The following RBFOX1 variants were observed in gnomAD, a reference collection of about 807,000 sequenced individuals.
RBFOX1 encodes the protein RNA binding fox-1 homolog 1.
RBFOX1 carries 8 observed loss-of-function variants against 57.7 expected under a neutral mutation model. That is an observed-to-expected ratio of 0.14 (90% CI 0.08 to 0.25). RBFOX1 has a LOEUF of 0.25. RBFOX1 is among the 10% of genes least tolerant of loss of function. The pLI is 1.00. For missense variants in RBFOX1, 611 were observed against 548.5 expected, an observed-to-expected ratio of 1.11 and a Z score of -1.14; for synonymous variants, 326 against 222.4, an observed-to-expected ratio of 1.47 and a Z score of -4.15.
intron 4 of RBFOX1, among the ~76,000 whole-genome samples, chr16:5,990,282 G>T (rs1382691078): frequency 6.6e-6 from 1 of 152,086 alleles, no homozygotes; most frequent in South Asian, 2.1e-4. Flanking sequence ...TGAGCCCACT[G>T]TACCCAGCCC....
intron 13 of RBFOX1, among the ~76,000 whole-genome samples, chr16:7,673,466 G>T (rs921337962): frequency 1.3e-5 from 2 of 152,154 alleles, no homozygotes; most frequent in African/African-American, 4.8e-5. Context: ...CAGCACTTTG[G>T]GAGGCTGAAT....
At chr16:6,186,158 T>A (rs2097103871) in intron 1 of RBFOX1, among the ~76,000 whole-genome samples, 1 of 152,182 alleles carries the variant, frequency 6.6e-6, no homozygotes, top group Non-Finnish European at 1.5e-5. Flanking sequence ...AACAAAACAA[T>A]GCCAAAAAAA....
chr16:7,160,814 C>A (rs1000857046), intron 4 of RBFOX1, among the ~76,000 whole-genome samples: 1 of 136,718 alleles, frequency 7.3e-6, no homozygotes, highest in African/African-American at 2.9e-5. Context: ...CTTTCTTCTC[C>A]CTCCTCCCTC....
chr16:7,586,294 G>A (rs1446050056), intron 6 of RBFOX1, among the ~76,000 whole-genome samples: 1 of 152,096 alleles, frequency 6.6e-6, no homozygotes, highest in Non-Finnish European at 1.5e-5. Context: ...TGTGATCTCA[G>A]AAAACTGAAA....
At position 5,424,944 on chromosome 16, in the gene RBFOX1, C is replaced by G. The variant is rs1303893504; in HGVS notation, c.220-42272C>G. 2.8e-3 allele frequency among the ~76,000 whole-genome samples: 181 copies of G among 64,684 alleles called. 2 individuals are homozygous for G. In the East Asian group the frequency reaches 0.029, roughly 10 times the overall value. 42.4% of individuals were successfully genotyped at this position (64,684 alleles called of 152,430 possible). On this transcript the variant is annotated intron_variant, in intron 1 of 2. Coordinates refer to the RBFOX1 transcript ENST00000585867. ...CTTTCTTTCTTTCTTTCTCTCTCTT[C>G]TTTCTTCCTTTGTTTCTTTCTCTTT... is the stretch of plus-strand genomic sequence containing the variant.
At chr16:7,179,156 A>G (rs936918709) in intron 4 of RBFOX1, among the ~76,000 whole-genome samples, 3 of 151,814 alleles carry the variant, frequency 2.0e-5, no homozygotes, top group African/African-American at 4.8e-5. Flanking sequence ...TTTTTGGTGC[A>G]TTTGGGGGTA....
chr16:5,874,135 G>C, intron 4 of RBFOX1, among the ~76,000 whole-genome samples: 1 of 152,164 alleles, frequency 6.6e-6, no homozygotes, highest in Non-Finnish European at 1.5e-5. Context: ...CACTGAGTTT[G>C]GCAGTCGTGC....
chr16:5,675,354 G>C (rs1596699048), intron 3 of RBFOX1, among the ~76,000 whole-genome samples: 2 of 152,238 alleles, frequency 1.3e-5, no homozygotes, highest in African/African-American at 4.8e-5. Flanking sequence ...ATTTACTACT[G>C]ATCATTTCTA....
chr16:5,827,783 T>C (rs1019523121), intron 3 of RBFOX1, among the ~76,000 whole-genome samples: 5 of 152,080 alleles, frequency 3.3e-5, no homozygotes, highest in African/African-American at 1.2e-4. Context: ...ACAGTTTTTT[T>C]CTCCTACACT....
At chr16:5,288,077 G>A (rs1330349237) in intron 1 of RBFOX1, among the ~76,000 whole-genome samples, 2 of 152,190 alleles carry the variant, frequency 1.3e-5, no homozygotes, top group African/African-American at 4.8e-5. Context: ...GTGTACGGCC[G>A]ACTCCACATT....
intron 1 of RBFOX1, among the ~76,000 whole-genome samples, chr16:5,374,513 T>C (rs1473285129): frequency 6.6e-6 from 1 of 152,046 alleles, no homozygotes; most frequent in Non-Finnish European, 1.5e-5. Context: ...CAGGCAGCAG[T>C]TTTATCTGGA....
chr16:7,036,202 AT>A (rs35241664), intron 3 of RBFOX1, among the ~76,000 whole-genome samples: 13,450 of 145,708 alleles, frequency 0.092, 1,030 homozygotes, highest in East Asian at 0.32. Flanking sequence ...TCACCTTGAC[AT>A]TTTTTTTTTT....
At position 6,183,351 on chromosome 16, in the gene RBFOX1, A is replaced by G. The variant is rs2097080240; in HGVS notation, c.-126-133644A>G. ...AAAAATTAGCCAGGTGCGGTGCCAT[A>G]CTCCTGTAATCCCAGCTACTCTGGA... On this transcript the variant is annotated intron_variant, in intron 1 of 15. Transcript: ENST00000550418. 3.3e-5 allele frequency among the ~76,000 whole-genome samples: 5 copies of G among 151,422 alleles called. No individual in the cohort carries two copies. The South Asian group carries it at 1.0e-3, about 32-fold the overall frequency.
In RBFOX1 at chr16:7,437,862, G is replaced by A. The variant is rs1485580575; in HGVS notation, c.28-80285G>A. Among the ~76,000 whole-genome samples the A allele has an allele frequency of 1.8e-4, 27 of 147,510 alleles. No homozygotes were observed. In the East Asian group the frequency reaches 4.8e-3, roughly 26 times the overall value. ...CAGGAGGCAGTCCATTGGAAGCAAA[G>A]TCAGAAAAAAAAAATGAATATAGGG... On this transcript the variant is annotated intron_variant, in intron 4 of 15. Transcript: ENST00000550418.
intron 2 of RBFOX1, among the ~76,000 whole-genome samples, chr16:6,643,018 T>G (rs895318069): frequency 1.1e-4 from 17 of 152,214 alleles, no homozygotes; most frequent in African/African-American, 4.1e-4. Flanking sequence ...CATAGACTTT[T>G]CGGAATATTC....
intron 3 of RBFOX1, chr16:6,776,089 G>A (rs2079284285): frequency 6.6e-6 from 1 of 152,244 alleles, no homozygotes; most frequent in African/African-American, 2.4e-5. Context: ...ATAAAGAAAG[G>A]GAGAGAGGAA....
chr16:6,402,264 G>T (rs889049440), intron 2 of RBFOX1, among the ~76,000 whole-genome samples: 5 of 152,052 alleles, frequency 3.3e-5, no homozygotes, highest in Non-Finnish European at 5.9e-5. Context: ...CTGGTCTCTG[G>T]GGTAGAATAA....
At chr16:5,401,329 C>A (rs1476001910) in intron 1 of RBFOX1, among the ~76,000 whole-genome samples, 2 of 152,000 alleles carry the variant, frequency 1.3e-5, no homozygotes, top group African/African-American at 4.8e-5. Context: ...TTTTCCTTTT[C>A]TTCTTGGTTT....
chr16:5,272,894 G>A (rs2063049930), intron 1 of RBFOX1, among the ~76,000 whole-genome samples: 1 of 152,238 alleles, frequency 6.6e-6, no homozygotes, highest in Non-Finnish European at 1.5e-5. Context: ...TGAGATGCAA[G>A]AGACTCCACA....
Sources: allele counts gnomAD v4.1 joint callset (sites outside exome capture counted in the v4.1 genomes callset), GRCh38; gene constraint gnomAD v4.1.1; transcripts MANE v1.5; gene names NCBI Gene and HGNC (gene_info 2026-07-23, HGNC 2026-07-21).